The following ITGB1BP2 variants were observed in gnomAD, a reference collection of about 807,000 sequenced individuals.
ITGB1BP2 encodes the protein integrin beta-1-binding protein 2.
A neutral mutation model predicts 32.2 loss-of-function variants in ITGB1BP2; 27 were observed. That is an observed-to-expected ratio of 0.84 (90% CI 0.62 to 1.16). ITGB1BP2 has a LOEUF of 1.16. ITGB1BP2 is among the 50% of genes most tolerant of loss of function. ITGB1BP2 has a pLI of 0.00. For synonymous variants in ITGB1BP2, 105 were observed against 94.7 expected, an observed-to-expected ratio of 1.11 and a Z score of -0.63; for missense variants, 250 against 267.3, an observed-to-expected ratio of 0.94 and a Z score of 0.45.
Position 71,304,134 on chromosome X carries a change from C to T in ITGB1BP2, c.640-53C>T, listed in dbSNP as rs756521342. On this transcript the variant is annotated intron_variant, in intron 8 of 10. Transcript: ENST00000373829. ...TTCTCCACGTGCATCATGAGAACTC[C>T]CCTTCAGTTAAGAATTTATTCTTAC... 10 of 958,094 alleles carry T rather than the reference C, an allele frequency of 1.0e-5. No individual in the cohort carries two copies. The African/African-American group carries it at 1.7e-4, about 16-fold the overall frequency. The allele number at this position is 958,094 out of a possible 1,213,427, so 79.0% of individuals were successfully genotyped here.
chrX:71,304,191 C>T lies in ITGB1BP2; in HGVS notation c.644C>T (p.Pro215Leu), dbSNP rs2031660517. The change falls in exon 9 of 11, where the codon CCA becomes CTA. Residue 215 changes from proline to leucine, a missense_variant. Pro to Leu is a moderately conservative substitution (Grantham distance 98). Transcript: ENST00000373829. ...VGRHDWGKQL[P>L]ASCRHDWHQT... is the part of the protein sequence containing the mutation. ...CATTTCACATCTTCTCTTTAGCTCC[C>T]AGCATCTTGCCGCCATGATTGGCAC... is the stretch of plus-strand genomic sequence containing the variant. The T allele has an allele frequency of 2.5e-6, 3 of 1,202,208 alleles. No homozygotes were observed. The South Asian group carries it at 5.3e-5, about 21-fold the overall frequency.
intron 10 of ITGB1BP2, 64 bp from the exon 11 acceptor site, chrX:71,304,901 C>A: frequency 2.1e-6 from 2 of 954,760 alleles, no homozygotes; most frequent in Non-Finnish European, 1.5e-6. Context: ...CCACTCCACC[C>A]TGACCCCAAT....
Position 71,302,304 on chromosome X carries a change from G to T in ITGB1BP2, c.142G>T (p.Val48Leu). ...KGWSCCRKRTVDFSEFLNIKG... is the reference protein window; with the variant it reads ...KGWSCCRKRTLDFSEFLNIKG... ...TTGGTCCTGCTGCCGAAAGCGAACT[G>T]TAGATTTCTCTGAGTTCTTAAACAT... The change falls in exon 3 of 11, where the codon GTA becomes TTA. Residue 48 changes from valine to leucine, a missense_variant. Physicochemically the swap from Val to Leu is conservative, Grantham distance 32. Coordinates refer to ENST00000373829, the MANE Select transcript of ITGB1BP2 (RefSeq NM_012278.4). 8.3e-7 allele frequency: 1 copy of T among 1,211,459 alleles called. No individual in the cohort carries two copies. Among genetic ancestry groups the T allele is most frequent in the Non-Finnish European group, 1.1e-6 (1 of 895,432 alleles).
At chrX:71,304,483 G>C (rs1602394720) in intron 9 of ITGB1BP2, 59 bp from the exon 10 acceptor site, 1 of 1,098,614 alleles carries the variant, frequency 9.1e-7, no homozygotes, top group South Asian at 1.9e-5. Context: ...GTTATCTGTC[G>C]TAATGACCTA....
chrX:71,302,686 T>C, intron 4 of ITGB1BP2, 130 bp downstream of exon 4: 1 of 722,487 alleles, frequency 1.4e-6, no homozygotes, highest in African/African-American at 2.2e-5. Flanking sequence ...GTTTGGATGG[T>C]GTATATCCTG....
chrX:71,303,234 G>A (rs1459903163), intron 4 of ITGB1BP2, 28 bp from the exon 5 acceptor site: 2 of 1,163,518 alleles, frequency 1.7e-6, no homozygotes, highest in Non-Finnish European at 2.3e-6. Flanking sequence ...TAATGGGTCA[G>A]AACTAAATCA....
rs751831817 is a variant in ITGB1BP2, at chrX:71,304,033, T to A, written c.639+122T>A. On this transcript the variant is annotated intron_variant, in intron 8 of 10. Coordinates refer to ENST00000373829, the MANE Select transcript of ITGB1BP2 (RefSeq NM_012278.4). ...CCCTTTAGTATAGACCAAATAAGAT[T>A]CTGCTCCTTATCCCTCAACAGCCCA... 1.8e-5 allele frequency: 13 copies of A among 719,540 alleles called. No homozygotes were observed. The African/African-American group carries it at 1.9e-4, about 11-fold the overall frequency. The allele number at this position is 719,540 out of a possible 1,213,427, so 59.3% of individuals were successfully genotyped here. A position where few individuals can be genotyped will look rare whatever the true frequency, so the allele number is the denominator to read the frequency against.
rs1311760102 is a variant in ITGB1BP2 at position 71,304,559 on chromosome X, C to T, written c.771C>T (p.Val257=). The change falls in exon 10 of 11, where the codon GTC becomes GTT. Residue 257 remains valine, a synonymous_variant. Transcript: ENST00000373829. The part of the protein sequence containing the change: ...ASQTELHVHI[V]FDGNRVFQAQ... ...TCTCTCAGCTTCATGTCCACATTGTCTTTGATGGTAACCGTGTGTTCCAAG... is the reference window on the plus strand; with the variant it reads ...TCTCTCAGCTTCATGTCCACATTGTTTTTGATGGTAACCGTGTGTTCCAAG... 2 of 1,208,652 alleles carry T rather than the reference C, an allele frequency of 1.7e-6. No homozygotes were observed. The highest frequency in any genetic ancestry group is 2.2e-6 in the Non-Finnish European group (2 of 893,885).
chrX:71,303,719 G>A (rs1193153562), intron 7 of ITGB1BP2, 22 bp downstream of exon 7: 1 of 1,182,845 alleles, frequency 8.5e-7, no homozygotes, highest in Non-Finnish European at 1.1e-6. Context: ...GACTGGGTGG[G>A]CTATGAGGCT....
intron 1 of ITGB1BP2, 68 bp downstream of exon 1, chrX:71,301,938 A>G (rs1300240770): frequency 3.0e-6 from 3 of 984,950 alleles, no homozygotes; most frequent in Non-Finnish European, 4.3e-6. Flanking sequence ...GCTGGGGGGC[A>G]GTGTGTTTGA....
At position 71,304,073 on chromosome X, in the gene ITGB1BP2, T is replaced by C. The variant is rs972060833; in HGVS notation, c.640-114T>C. 8 of 710,333 alleles carry C rather than the reference T, an allele frequency of 1.1e-5. 1 individual carries two copies. The highest frequency in any genetic ancestry group is 4.3e-5 in the African/African-American group (2 of 46,808). The allele number at this position is 710,333 out of a possible 1,213,427, so 58.5% of individuals were successfully genotyped here. A position where few individuals can be genotyped will look rare whatever the true frequency, so the allele number is the denominator to read the frequency against. On this transcript the variant is annotated intron_variant, in intron 8 of 10. Coordinates refer to ENST00000373829, the MANE Select transcript of ITGB1BP2 (RefSeq NM_012278.4). The stretch of plus-strand genomic sequence containing the variant: ...TCAACAGCCCAGAGGTTTTGCAATA[T>C]GAGGTTGTGTTAATCTTTTTGAGAC...
Position 71,304,196 on chromosome X carries a change from T to C in ITGB1BP2, c.649T>C (p.Ser217Pro). The change falls in exon 9 of 11, where the codon TCT becomes CCT. Residue 217 changes from serine to proline, a missense_variant. Transcript: ENST00000373829. ...RHDWGKQLPA[S>P]CRHDWHQTDS... ...CACATCTTCTCTTTAGCTCCCAGCA[T>C]CTTGCCGCCATGATTGGCACCAGAC... The C allele has an allele frequency of 8.3e-7, 1 of 1,206,252 alleles. No individual in the cohort carries two copies. The highest frequency in any genetic ancestry group is 1.1e-6 in the Non-Finnish European group (1 of 890,494).
Position 71,303,942 on chromosome X carries a change from A to G in ITGB1BP2, c.639+31A>G, listed in dbSNP as rs775109909. 3 of 1,104,527 alleles carry G rather than the reference A, an allele frequency of 2.7e-6. No individual in the cohort carries two copies. In the South Asian group the frequency reaches 5.8e-5, roughly 22 times the overall value. 91.0% of individuals were successfully genotyped at this position (1,104,527 alleles called of 1,213,427 possible). ...CCCCAGCTTTCCTGAACTCTTGATT[A>G]GAACCCAATCTCAGAGGTAAATTCT... On this transcript the variant is annotated intron_variant, in intron 8 of 10. Coordinates refer to ENST00000373829, the MANE Select transcript of ITGB1BP2 (RefSeq NM_012278.4).
chrX:71,303,225 A>G (rs2148047296), intron 4 of ITGB1BP2, 37 bp from the exon 5 acceptor site: 1 of 1,099,956 alleles, frequency 9.1e-7, no homozygotes, highest in East Asian at 3.0e-5. Context: ...AATCATAGCT[A>G]ATGGGTCAGA....
chrX:71,302,699 C>T (rs1602393957), intron 4 of ITGB1BP2, 143 bp downstream of exon 4: 3 of 647,875 alleles, frequency 4.6e-6, no homozygotes, highest in East Asian at 7.2e-5. Context: ...ATATCCTGTG[C>T]CTTAGGGGAA....
In ITGB1BP2 at chrX:71,301,777, C is replaced by G; in HGVS notation, c.-30C>G. 8.4e-7 allele frequency: 1 copy of G among 1,186,056 alleles called. No homozygotes were observed. Among genetic ancestry groups the G allele is most frequent in the South Asian group, 1.8e-5 (1 of 56,210 alleles). On this transcript the variant is annotated 5_prime_UTR_variant, in exon 1 of 11. Coordinates refer to ENST00000373829, the MANE Select transcript of ITGB1BP2 (RefSeq NM_012278.4). ...TCGGCAGCCAGACTCCTTGAAATAC[C>G]CTTTCAGTAATCATTCAACCAACGC... is the stretch of plus-strand genomic sequence containing the variant.
At chrX:71,302,850 T>C (rs2031638337) in intron 4 of ITGB1BP2, among the ~76,000 whole-genome samples, 2 of 112,195 alleles carry the variant, frequency 1.8e-5, no homozygotes, top group African/African-American at 6.5e-5. Context: ...ATGACTTCTC[T>C]TTCTAGAAAA....
chrX:71,303,165 C>A, intron 4 of ITGB1BP2, 97 bp from the exon 5 acceptor site: 1 of 799,829 alleles, frequency 1.3e-6, no homozygotes, highest in Non-Finnish European at 1.8e-6. Context: ...GCCTCACTTT[C>A]ACCAGGCTTC....
Position 71,303,248 on chromosome X carries a change from C to T in ITGB1BP2, c.318-14C>T. 3 of 1,198,109 alleles carry T rather than the reference C, an allele frequency of 2.5e-6. No homozygotes were observed. The highest frequency in any genetic ancestry group is 3.4e-6 in the Non-Finnish European group (3 of 884,537). ...CTAATGGGTCAGAACTAAATCACCACCCTTAACCCCTAGGTCAGAGTTGCC... is the reference window on the plus strand; with the variant it reads ...CTAATGGGTCAGAACTAAATCACCATCCTTAACCCCTAGGTCAGAGTTGCC... On this transcript the variant is annotated splice_polypyrimidine_tract_variant and intron_variant, in intron 4 of 10. Transcript: ENST00000373829.
Sources: gnomAD v4.1 joint callset for allele counts (sites outside exome capture counted in the v4.1 genomes callset) on GRCh38, gnomAD v4.1.1 for gene constraint, MANE v1.5 for transcripts, NCBI Gene and HGNC (gene_info 2026-07-23, HGNC 2026-07-21) for gene names.